Variants in COLEC12 observed in about 807,000 individuals in gnomAD.
The protein encoded by COLEC12 is collectin subfamily member 12.
COLEC12 carries 33 observed loss-of-function variants against 71.1 expected under a neutral mutation model. The observed-to-expected ratio is 0.46, with a 90% CI of 0.35 to 0.62. The LOEUF (loss-of-function observed/expected upper bound fraction) is 0.62, where lower values mean the gene tolerates loss of function less well. Among genes scored for constraint, COLEC12 ranks in the 20% least tolerant of loss-of-function variants. The probability of loss-of-function intolerance (pLI) is 0.00; values close to 1 mark genes in which losing one functional copy is unlikely to be tolerated. For missense variants in COLEC12, 765 were observed against 916.1 expected (o/e 0.84, Z 2.13); for synonymous variants, 350 against 353.0 (o/e 0.99, Z 0.10).
At chr18:368,402 A>C (rs1253191992) in intron 2 of COLEC12, among the ~76,000 whole-genome samples, 1 of 151,090 alleles carries the variant, frequency 6.6e-6, no homozygotes, top group Non-Finnish European at 1.5e-5. Flanking sequence ...GTAAAACCTT[A>C]TCTCTACTAA....
chr18:492,461 G>A (rs562379886), intron 1 of COLEC12, among the ~76,000 whole-genome samples: 3 of 152,278 alleles, frequency 2.0e-5, no homozygotes, highest in East Asian at 1.9e-4. Flanking sequence ...CAGTAAGTAC[G>A]ACATCCAAAA....
chr18:475,632 T>C (rs1161491509), intron 2 of COLEC12, among the ~76,000 whole-genome samples: 1 of 152,166 alleles, frequency 6.6e-6, no homozygotes, highest in Non-Finnish European at 1.5e-5. Context: ...TCTCTTGGCA[T>C]TAAAAGCAGA....
At position 321,753 on chromosome 18, in the gene COLEC12, T is replaced by C. The variant is rs1226721842; in HGVS notation, c.2118A>G (p.Glu706=). ...DNWGHGHGPG[E]DCAGLIYAGQ... Reference sequence around the variant, plus strand: ...CAGCATAAATCAACCCAGCACAGTCTTCTCCTGGCCCATGGCCATGACCCC... The same window carrying C: ...CAGCATAAATCAACCCAGCACAGTCCTCTCCTGGCCCATGGCCATGACCCC... The change falls in exon 9 of 10, where the codon GAA becomes GAG. Residue 706 remains glutamate, a synonymous_variant. Coordinates refer to ENST00000400256, the MANE Select transcript of COLEC12 (RefSeq NM_130386.3). 1 of 1,614,280 alleles carries C rather than the reference T, an allele frequency of 6.2e-7. No individual in the cohort carries two copies. Among genetic ancestry groups the C allele is most frequent in the Admixed American group, 1.7e-5 (1 of 60,032 alleles).
At chr18:381,983 T>C (rs1429402757) in intron 2 of COLEC12, among the ~76,000 whole-genome samples, 1 of 149,030 alleles carries the variant, frequency 6.7e-6, no homozygotes, top group Non-Finnish European at 1.5e-5. Flanking sequence ...AGTAAGCAGA[T>C]CTGTGATCTC....
chr18:381,545 G>A (rs987222661), intron 2 of COLEC12, among the ~76,000 whole-genome samples: 3 of 152,116 alleles, frequency 2.0e-5, no homozygotes, highest in Admixed American at 1.3e-4. Context: ...ACATTTTGGT[G>A]GGAATATAAG....
rs34020299 is a variant in COLEC12 at position 430,333 on chromosome 18, CA to C, written c.58+50373del. Reference sequence around the variant, plus strand: ...TGGGTGTCAGAGAGAGATTCTGTTTCAAAAAAAAAAAAATTAGAAGAAAGAA... The same window carrying C: ...TGGGTGTCAGAGAGAGATTCTGTTTCAAAAAAAAAAAATTAGAAGAAAGAA... On this transcript the variant is annotated intron_variant, in intron 2 of 9. Coordinates refer to ENST00000400256, the MANE Select transcript of COLEC12 (RefSeq NM_130386.3). 1.2e-3 allele frequency among the ~76,000 whole-genome samples: 176 copies of C among 142,750 alleles called. 2 individuals carry two copies. The South Asian group carries it at 0.023, about 18-fold the overall frequency. The allele number at this position is 142,750 out of a possible 152,430, so 93.6% of individuals were successfully genotyped here.
chr18:324,377 C>A (rs939861428), intron 8 of COLEC12, among the ~76,000 whole-genome samples: 1 of 152,202 alleles, frequency 6.6e-6, no homozygotes, highest in African/African-American at 2.4e-5. Flanking sequence ...TTATCATACA[C>A]ATGTCACAGA....
At chr18:489,698 G>A (rs144751562) in intron 1 of COLEC12, among the ~76,000 whole-genome samples, 50 of 152,304 alleles carry the variant, frequency 3.3e-4, no homozygotes, top group African/African-American at 1.1e-3. Context: ...TGACTCAGCT[G>A]TGAGTCGCAC....
At chr18:368,678 C>T (rs1037315065) in intron 2 of COLEC12, among the ~76,000 whole-genome samples, 7 of 151,454 alleles carry the variant, frequency 4.6e-5, no homozygotes, top group Non-Finnish European at 1.0e-4. Flanking sequence ...GCCTGGCTAA[C>T]ATGGTGAAAC....
At chr18:396,934 G>A (rs1456907601) in intron 2 of COLEC12, among the ~76,000 whole-genome samples, 3 of 152,154 alleles carry the variant, frequency 2.0e-5, no homozygotes, top group African/African-American at 7.2e-5. Context: ...AGGTTGGAGA[G>A]GCCAGCCTGG....
chr18:322,642 C>T (rs990543061), intron 8 of COLEC12, among the ~76,000 whole-genome samples: 2 of 152,206 alleles, frequency 1.3e-5, no homozygotes, highest in African/African-American at 4.8e-5. Flanking sequence ...CAGATTCATG[C>T]ACAGAAGCTT....
intron 5 of COLEC12, among the ~76,000 whole-genome samples, chr18:342,027 A>T (rs1567877890): frequency 6.6e-6 from 1 of 152,148 alleles, no homozygotes; most frequent in Non-Finnish European, 1.5e-5. Context: ...AAAAATCTTT[A>T]TATGATTTTT....
chr18:392,851 C>A (rs1463927410), intron 2 of COLEC12, among the ~76,000 whole-genome samples: 1 of 152,256 alleles, frequency 6.6e-6, no homozygotes, highest in Non-Finnish European at 1.5e-5. Context: ...TACTTCTCTT[C>A]CATGACTAAA....
intron 2 of COLEC12, among the ~76,000 whole-genome samples, chr18:401,997 A>C (rs1051355363): frequency 1.3e-4 from 20 of 152,222 alleles, no homozygotes; most frequent in Non-Finnish European, 2.9e-4. Context: ...ACTAACCTTC[A>C]GAACTCCTTC....
chr18:387,830 A>G (rs1915378051), intron 2 of COLEC12, among the ~76,000 whole-genome samples: 1 of 152,240 alleles, frequency 6.6e-6, no homozygotes, highest in Non-Finnish European at 1.5e-5. Context: ...GGCTTATCAG[A>G]ATATTTTTCC....
chr18:380,772 C>T (rs539507418), intron 2 of COLEC12, among the ~76,000 whole-genome samples: 34 of 152,206 alleles, frequency 2.2e-4, no homozygotes, highest in African/African-American at 7.7e-4. Flanking sequence ...TTGGGAATGT[C>T]TTTACGTTCT....
chr18:331,888 T>A (rs1476251994), intron 7 of COLEC12, 111 bp from the exon 8 acceptor site: 1 of 688,368 alleles, frequency 1.5e-6, no homozygotes, highest in African/African-American at 1.8e-5. Context: ...AGGATGGTTG[T>A]CAGAATGTGT....
chr18:338,414 G>A (rs1914167874), intron 5 of COLEC12, among the ~76,000 whole-genome samples: 1 of 152,194 alleles, frequency 6.6e-6, no homozygotes, highest in Admixed American at 6.5e-5. Flanking sequence ...AGGTTTTTGG[G>A]GAAGGGTGAC....
chr18:471,934 G>A (rs982406389), intron 2 of COLEC12, among the ~76,000 whole-genome samples: 2 of 152,106 alleles, frequency 1.3e-5, no homozygotes, highest in African/African-American at 4.8e-5. Context: ...CCCTGGGAAA[G>A]CTGCTTTGCC....
Sources: gnomAD v4.1 joint callset for allele counts (sites outside exome capture counted in the v4.1 genomes callset) on GRCh38, gnomAD v4.1.1 for gene constraint, MANE v1.5 for transcripts, NCBI Gene and HGNC (gene_info 2026-07-23, HGNC 2026-07-21) for gene names.